DPP10: variants seen among roughly 807,000 people sequenced by gnomAD.
DPP10 encodes the protein inactive dipeptidyl peptidase 10.
In DPP10, 33 loss-of-function variants were observed where a neutral mutation model predicts 120.9. That is an observed-to-expected ratio of 0.27 (90% CI 0.21 to 0.37). The LOEUF is 0.37. Ranked by LOEUF, DPP10 falls within the 10% of genes least tolerant of loss-of-function variation. The pLI is 1.00. For synonymous variants in DPP10, 337 were observed against 326.1 expected, an observed-to-expected ratio of 1.03 and a Z score of -0.36; for missense variants, 816 against 942.8, an observed-to-expected ratio of 0.87 and a Z score of 1.76.
chr2:115,559,564 TTAA>T (rs1352882072), intron 5 of DPP10, among the ~76,000 whole-genome samples: 8 of 152,240 alleles, frequency 5.3e-5, no homozygotes, highest in African/African-American at 1.9e-4. Context: ...TAGGATAATA[TTAA>T]TAATATTAAA....
intron 1 of DPP10, among the ~76,000 whole-genome samples, chr2:114,817,375 A>G (rs1408318602): frequency 6.6e-6 from 1 of 152,026 alleles, no homozygotes; most frequent in African/African-American, 2.4e-5. Context: ...ACTCTTATGT[A>G]CAGAGGTGAG....
chr2:115,748,552 A>T (rs1206825675), intron 10 of DPP10, among the ~76,000 whole-genome samples: 2 of 152,076 alleles, frequency 1.3e-5, no homozygotes, highest in Non-Finnish European at 1.5e-5. Flanking sequence ...TATAAACCAG[A>T]TTCTCTGACC....
intron 1 of DPP10, among the ~76,000 whole-genome samples, chr2:115,014,901 C>A (rs1393556766): frequency 1.3e-5 from 2 of 148,162 alleles, no homozygotes; most frequent in East Asian, 4.0e-4. Flanking sequence ...GACAGATTCA[C>A]AGCCAAATTC....
chr2:115,506,063 C>T (rs888254124), intron 4 of DPP10, among the ~76,000 whole-genome samples: 48 of 151,898 alleles, frequency 3.2e-4, no homozygotes, highest in Middle Eastern at 3.4e-3. Context: ...AATACATTTT[C>T]GAGAAACTTT....
At chr2:115,199,292 A>AT (rs1345227865) in intron 1 of DPP10, among the ~76,000 whole-genome samples, 1 of 146,890 alleles carries the variant, frequency 6.8e-6, no homozygotes, top group Non-Finnish European at 1.5e-5. Context: ...TTATGTATGC[A>AT]TTTTTTCTGC....
At chr2:115,528,026 A>G (rs2078235480) in intron 5 of DPP10, among the ~76,000 whole-genome samples, 1 of 152,148 alleles carries the variant, frequency 6.6e-6, no homozygotes, top group Non-Finnish European at 1.5e-5. Flanking sequence ...CACAATAAAC[A>G]TATGTGTGCA....
chr2:115,010,340 C>T (rs996200223), intron 1 of DPP10, among the ~76,000 whole-genome samples: 1 of 152,068 alleles, frequency 6.6e-6, no homozygotes, highest in Non-Finnish European at 1.5e-5. Flanking sequence ...TTCTTTCTGC[C>T]TCATTAAATA....
intron 1 of DPP10, among the ~76,000 whole-genome samples, chr2:115,057,841 T>C (rs1201985547): frequency 1.3e-5 from 2 of 152,180 alleles, no homozygotes; most frequent in Non-Finnish European, 2.9e-5. Flanking sequence ...GTTGGTCCAA[T>C]ATTGCTTGGA....
intron 22 of DPP10, 69 bp downstream of exon 22, chr2:115,836,325 A>G (rs1689524294): frequency 3.4e-6 from 5 of 1,453,818 alleles, no homozygotes; most frequent in Admixed American, 2.0e-5. Flanking sequence ...CCAATTTAGA[A>G]TAGCTCAATT....
intron 1 of DPP10, among the ~76,000 whole-genome samples, chr2:114,882,041 T>C (rs1691686405): frequency 6.6e-6 from 1 of 152,114 alleles, no homozygotes; most frequent in Admixed American, 6.6e-5. Flanking sequence ...ATGTTTGTTT[T>C]AAAAAGTGTA....
intron 5 of DPP10, among the ~76,000 whole-genome samples, chr2:115,563,423 C>A (rs190031612): frequency 6.6e-6 from 1 of 151,986 alleles, no homozygotes; most frequent in Non-Finnish European, 1.5e-5. Context: ...AGAGCAAAAG[C>A]CCCTGCACTC....
chr2:115,031,959 G>A (rs140623149), intron 1 of DPP10, among the ~76,000 whole-genome samples: 2 of 152,098 alleles, frequency 1.3e-5, no homozygotes, highest in Non-Finnish European at 2.9e-5. Flanking sequence ...TATTTTCAAT[G>A]TTTACTATGA....
chr2:115,197,306 C>T (rs1359074673), intron 1 of DPP10, among the ~76,000 whole-genome samples: 2 of 151,556 alleles, frequency 1.3e-5, no homozygotes, highest in Non-Finnish European at 2.9e-5. Context: ...GCAGGAGAAT[C>T]GCCTGAACCT....
At chr2:115,707,456 ACACACACT>A (rs1463118064) in intron 7 of DPP10, among the ~76,000 whole-genome samples, 7 of 148,938 alleles carry the variant, frequency 4.7e-5, no homozygotes, top group South Asian at 4.2e-4. Context: ...ACACACACAC[ACACACACT>A]CTCTCCACAT....
intron 5 of DPP10, among the ~76,000 whole-genome samples, chr2:115,603,570 G>GTTTTTTTTTTTTT (rs61548055): frequency 2.0e-5 from 2 of 99,276 alleles, no homozygotes; most frequent in Non-Finnish European, 4.4e-5. Flanking sequence ...GTTTTTTTTT[G>GTTTTTTTTTTTTT]TTTTTTTTTT....
chr2:115,362,741 T>G (rs1016013796), intron 3 of DPP10, among the ~76,000 whole-genome samples: 1 of 152,198 alleles, frequency 6.6e-6, no homozygotes, highest in Admixed American at 6.5e-5. Context: ...CTGTTTTAAT[T>G]TTTCCTTGTT....
chr2:115,010,810 C>G (rs1702209786), intron 1 of DPP10, among the ~76,000 whole-genome samples: 1 of 152,168 alleles, frequency 6.6e-6, no homozygotes, highest in Non-Finnish European at 1.5e-5. Flanking sequence ...CCTCAGTACT[C>G]CACAAACCTT....
At chr2:114,815,160 T>G (rs1685521243) in intron 1 of DPP10, among the ~76,000 whole-genome samples, 1 of 152,134 alleles carries the variant, frequency 6.6e-6, no homozygotes, top group Non-Finnish European at 1.5e-5. Flanking sequence ...GAGAAGCGAG[T>G]CTCATGTGGG....
At chr2:114,917,825 T>C (rs2106636095) in intron 1 of DPP10, among the ~76,000 whole-genome samples, 1 of 152,172 alleles carries the variant, frequency 6.6e-6, no homozygotes, top group Non-Finnish European at 1.5e-5. Context: ...ATTAAAGACT[T>C]AAACATAAAA....
Sources: allele counts gnomAD v4.1 joint callset (sites outside exome capture counted in the v4.1 genomes callset), GRCh38; gene constraint gnomAD v4.1.1; transcripts MANE v1.5; gene names NCBI Gene and HGNC (gene_info 2026-07-23, HGNC 2026-07-21).